The following C1orf202 variants were observed in gnomAD, a reference collection of about 807,000 sequenced individuals.
C1orf202 encodes the protein chromosome 1 open reading frame 202, also known as uncharacterized protein C1orf202.
the C1orf202 span, chr1:244,730,364 G>A: frequency 3.1e-6 from 1 of 317,618 alleles, no homozygotes; most frequent in Non-Finnish European, 5.7e-6. Context: ...CGGTGCTGGG[G>A]TTACTTTCAT....
chr1:244,730,528 C>G, the C1orf202 span: 5 of 364,692 alleles, frequency 1.4e-5, no homozygotes, highest in Non-Finnish European at 2.4e-5. Flanking sequence ...GGGGTCCGGC[C>G]GCGGCCTCGT....
chr1:244,730,554 G>T, the C1orf202 span: 1 of 371,978 alleles, frequency 2.7e-6, no homozygotes, highest in Non-Finnish European at 4.8e-6. Context: ...CCCTGCGCGC[G>T]GTCCAGCACC....
the C1orf202 span, chr1:244,730,575 TCTC>T: frequency 5.3e-6 from 2 of 376,824 alleles, no homozygotes; most frequent in Non-Finnish European, 9.4e-6. Context: ...AGCAGCGGGA[TCTC>T]CTCCAGCCGG....
chr1:244,730,498 C>A, the C1orf202 span: 2 of 351,068 alleles, frequency 5.7e-6, no homozygotes, highest in East Asian at 8.3e-5. Context: ...CCTGCGCGGG[C>A]CGCCCGGGGA....
the C1orf202 span, chr1:244,730,488 C>A: frequency 5.8e-6 from 2 of 346,640 alleles, no homozygotes; most frequent in South Asian, 1.3e-4. Context: ...GCGGGGGCGG[C>A]CTGCGCGGGC....
At chr1:244,730,604 C>G in the C1orf202 span, 1 of 383,402 alleles carries the variant, frequency 2.6e-6, no homozygotes, top group African/African-American at 2.1e-5. Flanking sequence ...CCGCTCCTTG[C>G]GCCGCAGGTA....
the C1orf202 span, chr1:244,730,652 TG>T: frequency 2.6e-6 from 1 of 385,052 alleles, no homozygotes. Flanking sequence ...AAGCAGCCTC[TG>T]CAGGCTCGAG....
chr1:244,730,351 C>A, the C1orf202 span: 1 of 302,776 alleles, frequency 3.3e-6, no homozygotes. Flanking sequence ...GCTTTCATTC[C>A]TACGGTGCTG....
chr1:244,730,043 GTT>G, the C1orf202 span: 104 of 31,626 alleles, frequency 3.3e-3, 2 homozygotes, highest in Non-Finnish European at 4.9e-3. Flanking sequence ...AACATAGTTG[GTT>G]TTTTTTTTTT....
At chr1:244,730,622 C>T in the C1orf202 span, 4 of 385,390 alleles carry the variant, frequency 1.0e-5, no homozygotes, top group Non-Finnish European at 1.4e-5. Context: ...GTAGCGCCGC[C>T]TCCACGTCGC....
chr1:244,729,857 G>A, the C1orf202 span: 1 of 143,150 alleles, frequency 7.0e-6, no homozygotes, highest in Non-Finnish European at 1.5e-5. Context: ...CTAAATGCCT[G>A]TCAACAAAAG....
the C1orf202 span, chr1:244,730,873 C>T: frequency 1.2e-4 from 47 of 385,590 alleles, no homozygotes; most frequent in African/African-American, 9.1e-4. Context: ...TCTCCAGCAG[C>T]TCGTGCTGCG....
chr1:244,730,765 G>T, the C1orf202 span: 1 of 381,064 alleles, frequency 2.6e-6, no homozygotes, highest in African/African-American at 2.1e-5. Flanking sequence ...GCCAGCACCA[G>T]CACCCAGAGC....
At chr1:244,730,988 A>C in the C1orf202 span, 9 of 352,736 alleles carry the variant, frequency 2.6e-5, no homozygotes, top group Non-Finnish European at 4.6e-5. Context: ...GCTGGACAAC[A>C]ACGCTGCCGC....
chr1:244,730,190 A>G, the C1orf202 span: 1 of 212,162 alleles, frequency 4.7e-6, no homozygotes, highest in Non-Finnish European at 9.2e-6. Context: ...AGCGGGGGGA[A>G]CCCAGGGCTC....
At chr1:244,730,226 T>TGCTCCGAGGCCCTCGGACCAAAGAGAG in the C1orf202 span, 1 of 224,642 alleles carries the variant, frequency 4.5e-6, no homozygotes, top group Non-Finnish European at 8.6e-6. Flanking sequence ...CTTTAGTTAC[T>TGCTCCGAGGCCCTCGGACCAAAGAGAG]GCTCCGAGGC....
chr1:244,730,666 G>A, the C1orf202 span: 2 of 384,752 alleles, frequency 5.2e-6, no homozygotes, highest in South Asian at 2.6e-4. Flanking sequence ...GGCTCGAGGG[G>A]CCCCACAGGC....
the C1orf202 span, chr1:244,730,218 T>G: frequency 9.2e-5 from 20 of 216,308 alleles, no homozygotes; most frequent in East Asian, 2.1e-4. Context: ...CCCGCAGGCT[T>G]TAGTTACTGC....
At chr1:244,730,265 G>A in the C1orf202 span, 1 of 225,996 alleles carries the variant, frequency 4.4e-6, no homozygotes, top group South Asian at 1.8e-4. Flanking sequence ...CTGCGAGGAG[G>A]ACGCGGCTCG....
Sources: allele counts gnomAD v4.1 joint callset, GRCh38; gene constraint gnomAD v4.1.1; transcripts MANE v1.5; gene names NCBI Gene and HGNC (gene_info 2026-07-23, HGNC 2026-07-21).